Variants in LDB2 observed in about 807,000 individuals in gnomAD.
The protein encoded by LDB2 is LIM domain binding 2.
A neutral mutation model predicts 44.3 loss-of-function variants in LDB2; 12 were observed. The ratio of observed to expected loss-of-function variants is 0.27; its 90% CI spans 0.17 to 0.44. The LOEUF (loss-of-function observed/expected upper bound fraction) is 0.44, where lower values mean the gene tolerates loss of function less well. Among genes scored for constraint, LDB2 ranks in the 20% least tolerant of loss-of-function variants. LDB2 has a pLI of 1.00. For synonymous variants in LDB2, 164 were observed against 174.8 expected (o/e 0.94, Z 0.49); for missense variants, 344 against 473.5 (o/e 0.73, Z 2.54).
chr4:16,786,686 C>T (rs934691582), intron 1 of LDB2, among the ~76,000 whole-genome samples: 3 of 152,178 alleles, frequency 2.0e-5, no homozygotes, highest in Admixed American at 6.5e-5. Flanking sequence ...GATTGGGCTA[C>T]CAGGGTCCCC....
At chr4:16,821,627 G>T (rs550389710) in intron 1 of LDB2, among the ~76,000 whole-genome samples, 80 of 149,538 alleles carry the variant, frequency 5.3e-4, no homozygotes, top group African/African-American at 1.9e-3. Flanking sequence ...CTAATCTCGT[G>T]ATCTGCCCAC....
At chr4:16,808,200 T>C (rs1278611352) in intron 1 of LDB2, among the ~76,000 whole-genome samples, 1 of 152,212 alleles carries the variant, frequency 6.6e-6, no homozygotes, top group Non-Finnish European at 1.5e-5. Flanking sequence ...TCTGGAATCT[T>C]TAATTATAGC....
chr4:16,878,957 G>A (rs186577010), intron 1 of LDB2, among the ~76,000 whole-genome samples: 44 of 152,252 alleles, frequency 2.9e-4, no homozygotes, highest in Admixed American at 2.6e-3. Flanking sequence ...CTAGTGCACT[G>A]ATTACATTGT....
intron 5 of LDB2, among the ~76,000 whole-genome samples, chr4:16,566,885 G>A (rs1383814145): frequency 6.6e-6 from 1 of 152,128 alleles, no homozygotes; most frequent in Non-Finnish European, 1.5e-5. Flanking sequence ...TTAAGTATAT[G>A]AGAAGATAAT....
chr4:16,502,709 C>G lies in LDB2; in HGVS notation c.1056G>C (p.Trp352Cys). The stretch of plus-strand genomic sequence containing the variant: ...CTTGAGTGGCGGGAGGTTTACTGTT[C>G]CACGGGCTGTTGTTCCCCAGCGCGG... ...NSPALGNNSP[W>C]NSKPPATQET... The change falls in exon 8 of 8, where the codon TGG becomes TGC. Residue 352 changes from tryptophan (W) to cysteine (C), a missense_variant. Physicochemically the swap from Trp to Cys is radical, Grantham distance 215 (BLOSUM62 -2). Coordinates refer to ENST00000304523, the MANE Select transcript of LDB2 (RefSeq NM_001290.5). The G allele has an allele frequency of 6.2e-7, 1 of 1,613,846 alleles. No individual in the cohort carries two copies. Among genetic ancestry groups the G allele is most frequent in the Non-Finnish European group, 8.5e-7 (1 of 1,179,940 alleles).
chr4:16,520,200 T>C (rs1045863908), intron 5 of LDB2, among the ~76,000 whole-genome samples: 1 of 151,170 alleles, frequency 6.6e-6, no homozygotes, highest in Non-Finnish European at 1.5e-5. Flanking sequence ...CATCAGATGA[T>C]GGGGGTGGGG....
intron 2 of LDB2, among the ~76,000 whole-genome samples, chr4:16,611,845 G>A (rs900857640): frequency 2.6e-5 from 4 of 151,964 alleles, no homozygotes; most frequent in African/African-American, 4.8e-5. Context: ...ACTTTTACTC[G>A]GCTCTGTATC....
intron 2 of LDB2, among the ~76,000 whole-genome samples, chr4:16,643,220 A>G (rs1316234416): frequency 3.9e-5 from 6 of 152,128 alleles, no homozygotes; most frequent in South Asian, 4.1e-4. Context: ...CCTAATTCCA[A>G]TGGAGGCTCC....
chr4:16,512,769 T>G (rs1394071377), intron 5 of LDB2, among the ~76,000 whole-genome samples: 1 of 152,250 alleles, frequency 6.6e-6, no homozygotes, highest in African/African-American at 2.4e-5. Flanking sequence ...TTTTTTGTGG[T>G]TCTGCATACA....
intron 2 of LDB2, among the ~76,000 whole-genome samples, chr4:16,654,398 C>A (rs1454722242): frequency 1.3e-5 from 2 of 152,088 alleles, no homozygotes; most frequent in Non-Finnish European, 2.9e-5. Context: ...TGTGGAAGGG[C>A]ACTGGAGAGG....
At chr4:16,606,214 A>C (rs1054343192) in intron 2 of LDB2, among the ~76,000 whole-genome samples, 1 of 152,200 alleles carries the variant, frequency 6.6e-6, no homozygotes, top group Non-Finnish European at 1.5e-5. Context: ...TTTCAGCTTT[A>C]AATATGTTAG....
intron 1 of LDB2, among the ~76,000 whole-genome samples, chr4:16,792,255 G>A (rs938710744): frequency 2.0e-5 from 3 of 152,114 alleles, no homozygotes; most frequent in Non-Finnish European, 4.4e-5. Flanking sequence ...TGGACAACAG[G>A]GCGACCCATG....
rs186856718 is a variant in LDB2, at chr4:16,544,544, A to G, written c.616-32440T>C. Among the ~76,000 whole-genome samples, 4 of 152,312 alleles carry G rather than the reference A, an allele frequency of 2.6e-5. No homozygotes were observed. In the East Asian group the frequency reaches 5.8e-4, roughly 22 times the overall value. On this transcript the variant is annotated intron_variant, in intron 5 of 7. Coordinates refer to ENST00000304523, the MANE Select transcript of LDB2 (RefSeq NM_001290.5). ...TGGTGGAGAACAACTGAGTGGAAAC[A>G]GCTGGAGGAGCCATGTTCCTGGGAG...
At chr4:16,530,843 T>C (rs1729900289) in intron 5 of LDB2, among the ~76,000 whole-genome samples, 1 of 152,220 alleles carries the variant, frequency 6.6e-6, no homozygotes, top group Non-Finnish European at 1.5e-5. Context: ...TTACTCCATC[T>C]AGACAGCATC....
In LDB2 at chr4:16,898,454, G is replaced by C. The variant is rs374353164; in HGVS notation, c.32C>G (p.Ser11Cys). MSSTPHDPFY[S>C]SPFGPFYRRH... is the part of the protein sequence containing the mutation. Reference sequence around the variant, plus strand: ...CCTATAAAATGGGCCGAAAGGAGAAGAATAGAAGGGGTCATGTGGTGTGCT... The same window carrying C: ...CCTATAAAATGGGCCGAAAGGAGAACAATAGAAGGGGTCATGTGGTGTGCT... Residue 11 changes from serine (S) to cysteine (C), a missense_variant, in exon 1 of 8, where the codon TCT (serine) becomes TGT (cysteine). By Grantham distance (112) the Ser-to-Cys change is moderately radical. This residue lies in a region of LDB2 where 226 missense variants were observed against 270.1 expected (regional missense o/e 0.84). Coordinates refer to ENST00000304523, the MANE Select transcript of LDB2 (RefSeq NM_001290.5). The C allele has an allele frequency of 5.0e-6, 8 of 1,613,774 alleles. No individual in the cohort carries two copies. Among genetic ancestry groups the C allele is most frequent in the Non-Finnish European group, 6.8e-6 (8 of 1,179,960 alleles).
At chr4:16,841,853 T>A (rs922977227) in intron 1 of LDB2, among the ~76,000 whole-genome samples, 1 of 152,172 alleles carries the variant, frequency 6.6e-6, no homozygotes, top group African/African-American at 2.4e-5. Context: ...GAAAAACAGA[T>A]GACATTTTAA....
chr4:16,855,830 C>T (rs1163618390), intron 1 of LDB2, among the ~76,000 whole-genome samples: 2 of 151,954 alleles, frequency 1.3e-5, no homozygotes, highest in Non-Finnish European at 2.9e-5. Context: ...TAATATTTTC[C>T]AAATAACCAA....
chr4:16,752,608 C>G (rs562504712), intron 2 of LDB2: 43 of 292,180 alleles, frequency 1.5e-4, no homozygotes, highest in African/African-American at 8.8e-4. Context: ...GTCATTCGTC[C>G]ATTCATTAAT....
chr4:16,813,653 TAG>T (rs1420559166), intron 1 of LDB2, among the ~76,000 whole-genome samples: 1 of 152,044 alleles, frequency 6.6e-6, no homozygotes, highest in Non-Finnish European at 1.5e-5. Context: ...TCTGGTGAGG[TAG>T]AGAACTCAAA....
Sources: gnomAD v4.1 joint callset for allele counts (sites outside exome capture counted in the v4.1 genomes callset) on GRCh38, gnomAD v4.1.1 for gene constraint, gnomAD v4.1.1 regional missense constraint, MANE v1.5 for transcripts, NCBI Gene and HGNC (gene_info 2026-07-23, HGNC 2026-07-21) for gene names.